The following ZNF185 variants were observed in gnomAD, a reference collection of about 807,000 sequenced individuals.
The protein encoded by ZNF185 is zinc finger protein 185 with LIM domain, also known as zinc finger protein 185.
A neutral mutation model predicts 58.6 loss-of-function variants in ZNF185; 56 were observed. The observed-to-expected ratio is 0.95, with a 90% CI of 0.77 to 1.19. The LOEUF is 1.19. ZNF185 is among the 50% of genes most tolerant of loss of function. The pLI is 0.00. For missense variants in ZNF185, 627 were observed against 573.5 expected, an observed-to-expected ratio of 1.09 and a Z score of -0.95; for synonymous variants, 230 against 215.9, an observed-to-expected ratio of 1.07 and a Z score of -0.57.
intron 16 of ZNF185, among the ~76,000 whole-genome samples, chrX:152,952,830 A>G (rs964783643): frequency 9.3e-5 from 8 of 86,141 alleles, no homozygotes; most frequent in South Asian, 6.1e-4. Context: ...CTTCGTGATT[A>G]CTTTTTTTTT....
At chrX:152,906,418 G>A in the ZNF185 span, among the ~76,000 whole-genome samples, 11 of 113,359 alleles carry the variant, frequency 9.7e-5, no homozygotes, top group African/African-American at 3.5e-4. Flanking sequence ...AGTGCTTGCA[G>A]ACAGAGCTTT....
exon 2 of ZNF185, chrX:152,914,753 C>G (rs782568825): frequency 1.3e-5 from 15 of 1,197,702 alleles, no homozygotes; most frequent in Non-Finnish European, 1.7e-5. Context: ...ATAACGTTCT[C>G]AAGCAGATGA....
Position 152,931,723 on chromosome X carries a change from G to A in ZNF185, c.969G>A (p.Gln323=), listed in dbSNP as rs782207357. ...AGGCCCCCTGCTCCAGAGAGCTCCAGAGGGACTTGGCTGGTGAGGAGGCTT... is the reference window on the plus strand; with the variant it reads ...AGGCCCCCTGCTCCAGAGAGCTCCAAAGGGACTTGGCTGGTGAGGAGGCTT... The change falls in exon 13 of 23, where the codon CAG becomes CAA. Residue 323 remains glutamine (Q), a synonymous_variant. Transcript: ENST00000449285. 9 of 1,210,996 alleles carry A rather than the reference G, an allele frequency of 7.4e-6. No homozygotes were observed. The Admixed American group carries it at 1.7e-4, about 23-fold the overall frequency.
intron 12 of ZNF185, among the ~76,000 whole-genome samples, chrX:152,929,239 C>T (rs782204753): frequency 1.8e-5 from 2 of 108,116 alleles, no homozygotes; most frequent in Non-Finnish European, 3.9e-5. Context: ...TCAAGGAGGC[C>T]ACAACCAGCA....
At chrX:152,918,117 T>C in exon 6 of ZNF185, 3 of 1,196,537 alleles carry the variant, frequency 2.5e-6, no homozygotes, top group Non-Finnish European at 3.4e-6. Context: ...CCCCTCCTCC[T>C]CTGGCTACAA....
At chrX:152,941,255 G>T (rs150037006) in intron 15 of ZNF185, among the ~76,000 whole-genome samples, 1,859 of 111,804 alleles carry the variant, frequency 0.017, 33 homozygotes, top group African/African-American at 0.058. Context: ...AAAGCTTCCA[G>T]CCTGCTACGA....
chrX:152,909,284 C>A, the ZNF185 span, among the ~76,000 whole-genome samples: 1 of 112,482 alleles, frequency 8.9e-6, no homozygotes, highest in Non-Finnish European at 1.9e-5. Context: ...CCCCCTGCTG[C>A]CACCCATATG....
chrX:152,955,306 T>C (rs1423360068), intron 16 of ZNF185, among the ~76,000 whole-genome samples: 5 of 112,198 alleles, frequency 4.5e-5, no homozygotes, highest in African/African-American at 1.6e-4. Context: ...ACCTTAGTTA[T>C]TGATATCACT....
At chrX:152,903,812 G>A in the ZNF185 span, among the ~76,000 whole-genome samples, 1 of 111,655 alleles carries the variant, frequency 9.0e-6, no homozygotes, top group South Asian at 3.8e-4. Flanking sequence ...GCCCCAAGGA[G>A]CGGTGGGTGG....
At chrX:152,903,388 CAAAAAAA>C in the ZNF185 span, among the ~76,000 whole-genome samples, 2 of 35,854 alleles carry the variant, frequency 5.6e-5, no homozygotes, top group Non-Finnish European at 8.6e-5. Flanking sequence ...AGACTCGTCT[CAAAAAAA>C]AAAAAAAAAA....
intron 12 of ZNF185, among the ~76,000 whole-genome samples, chrX:152,931,403 C>T (rs1362991050): frequency 8.9e-6 from 1 of 112,155 alleles, no homozygotes; most frequent in African/African-American, 3.2e-5. Flanking sequence ...ACCACAGGCA[C>T]ACACCACCAC....
chrX:152,935,641 T>C (rs1556881028), intron 14 of ZNF185, among the ~76,000 whole-genome samples: 1 of 112,633 alleles, frequency 8.9e-6, no homozygotes, highest in South Asian at 3.6e-4. Flanking sequence ...TCTTCTCCAT[T>C]AGTGGCAGCT....
At chrX:152,910,403 G>A (rs1556860879), upstream of ZNF185, among the ~76,000 whole-genome samples, 3 of 112,317 alleles carry the variant, frequency 2.7e-5, no homozygotes. Context: ...GCATTTTTAT[G>A]TAAATATATT....
chrX:152,938,028 C>CCTT, intron 14 of ZNF185, 46 bp from the exon 17 acceptor site: 1 of 1,137,828 alleles, frequency 8.8e-7, no homozygotes, highest in Middle Eastern at 2.4e-4. Context: ...TGGGCCCCAG[C>CCTT]CTTCTTTGGT....
rs12688339 is a variant in ZNF185, at chrX:152,968,462, C to G, written c.1872-920C>G. Among the ~76,000 whole-genome samples the G allele has an allele frequency of 8.0e-5, 9 of 112,812 alleles. No individual in the cohort carries two copies. The East Asian group carries it at 2.2e-3, about 28-fold the overall frequency. On this transcript the variant is annotated intron_variant, in intron 20 of 22. Transcript: ENST00000449285. Reference sequence around the variant, plus strand: ...ACTTGCACACATGCATATGCACAGACACACATGCACGCACACAAAGAACAG... The same window carrying G: ...ACTTGCACACATGCATATGCACAGAGACACATGCACGCACACAAAGAACAG...
chrX:152,899,787 G>T, the ZNF185 span, among the ~76,000 whole-genome samples: 2 of 112,078 alleles, frequency 1.8e-5, no homozygotes, highest in Middle Eastern at 4.7e-3. Context: ...CGAAGGGCTT[G>T]GAAGCAGGAG....
chrX:152,928,621 G>A (rs1556874717), exon 12 of ZNF185: 1 of 1,210,670 alleles, frequency 8.3e-7, no homozygotes, highest in African/African-American at 1.7e-5. Flanking sequence ...GACACCCAGG[G>A]CAGGACTCCG....
At chrX:152,900,068 C>G in the ZNF185 span, among the ~76,000 whole-genome samples, 1 of 112,105 alleles carries the variant, frequency 8.9e-6, no homozygotes, top group African/African-American at 3.2e-5. Context: ...AAAAGCCTTT[C>G]CCACGTGAGG....
intron 16 of ZNF185, among the ~76,000 whole-genome samples, chrX:152,946,629 T>C (rs1201361465): frequency 9.0e-6 from 1 of 111,596 alleles, no homozygotes; most frequent in Non-Finnish European, 1.9e-5. Context: ...GTTTTCGTTT[T>C]GCGGGGGAGT....
Sources: gnomAD v4.1 joint callset for allele counts (sites outside exome capture counted in the v4.1 genomes callset) on GRCh38, gnomAD v4.1.1 for gene constraint, MANE v1.5 for transcripts, NCBI Gene and HGNC (gene_info 2026-07-23, HGNC 2026-07-21) for gene names.